Variants in ADCY10 observed in about 807,000 individuals in gnomAD.
ADCY10 encodes adenylate cyclase 10.
In ADCY10, 156 loss-of-function variants were observed where a neutral mutation model predicts 183.3. The ratio of observed to expected loss-of-function variants is 0.85; its 90% CI spans 0.75 to 0.97. The LOEUF is 0.97. Among genes scored for constraint, ADCY10 ranks in the 50% least tolerant of loss-of-function variants. The pLI is 0.00. For missense variants in ADCY10, 1,745 were observed against 1,934.3 expected, an observed-to-expected ratio of 0.90 and a Z score of 1.84; for synonymous variants, 645 against 670.0, an observed-to-expected ratio of 0.96 and a Z score of 0.58.
chr1:167,883,179 A>G (rs1387990628), intron 9 of ADCY10, among the ~76,000 whole-genome samples: 1 of 152,244 alleles, frequency 6.6e-6, no homozygotes, highest in Non-Finnish European at 1.5e-5. Context: ...CTGAGATTAC[A>G]GGCACGTGCC....
chr1:167,831,800 T>A (rs1286778797), intron 25 of ADCY10, among the ~76,000 whole-genome samples: 1 of 152,216 alleles, frequency 6.6e-6, no homozygotes, highest in African/African-American at 2.4e-5. Context: ...TCCTAAATAT[T>A]TCATATGATA....
Position 167,845,647 on chromosome 1 carries a change from A to G in ADCY10, c.2923T>C (p.Tyr975His), listed in dbSNP as rs1664955733. The G allele has an allele frequency of 1.2e-6, 2 of 1,614,270 alleles. No homozygotes were observed. Among genetic ancestry groups the G allele is most frequent in the African/African-American group, 1.3e-5 (1 of 75,076 alleles). The change falls in exon 21 of 33, where the codon TAT (tyrosine) becomes CAT (histidine). Residue 975 changes from tyrosine to histidine, a missense_variant. Transcript: ENST00000367851. Reference sequence around the variant, plus strand: ...CGAATATTCACTGTGAAGTGATGATAGGGAATGAAGTCCCTGCCTCGGCAG... The same window carrying G: ...CGAATATTCACTGTGAAGTGATGATGGGGAATGAAGTCCCTGCCTCGGCAG... ...DHCRGRDFIP[Y>H]HHFTVNIRLN...
intron 9 of ADCY10, among the ~76,000 whole-genome samples, chr1:167,882,441 T>C (rs1304502249): frequency 7.3e-6 from 1 of 137,852 alleles, no homozygotes; most frequent in African/African-American, 2.8e-5. Flanking sequence ...GCCGAGATCA[T>C]GCCACTGCAT....
At chr1:167,829,513 G>A in intron 25 of ADCY10, 90 bp from the exon 26 acceptor site, 1 of 1,494,038 alleles carries the variant, frequency 6.7e-7, no homozygotes. Context: ...TCCTCACTAT[G>A]GGCCTGGGAA....
At chr1:167,885,008 T>A (rs981916219) in intron 8 of ADCY10, among the ~76,000 whole-genome samples, 1 of 152,196 alleles carries the variant, frequency 6.6e-6, no homozygotes, top group East Asian at 1.9e-4. Flanking sequence ...ATAGTTTTAA[T>A]TTTTAGCTCC....
At chr1:167,879,734 C>A (rs1021947860) in intron 11 of ADCY10, among the ~76,000 whole-genome samples, 1 of 152,184 alleles carries the variant, frequency 6.6e-6, no homozygotes, top group African/African-American at 2.4e-5. Flanking sequence ...TTACTTATTA[C>A]TACTCTCTTT....
intron 26 of ADCY10, among the ~76,000 whole-genome samples, chr1:167,826,310 G>A (rs918502086): frequency 1.2e-4 from 18 of 152,218 alleles, no homozygotes; most frequent in Non-Finnish European, 2.5e-4. Flanking sequence ...AGAGAATGGA[G>A]GTCCAACTGC....
Position 167,816,720 on chromosome 1 carries a change from T to A in ADCY10, c.4482+1352A>T, listed in dbSNP as rs769910227. On this transcript the variant is annotated intron_variant, in intron 31 of 32. Transcript: ENST00000367851. Reference sequence around the variant, plus strand: ...TAGAATTCTTTACCCAGTGAAATTATCCTTCAAAATTGAAGACAAAATAAA... The same window carrying A: ...TAGAATTCTTTACCCAGTGAAATTAACCTTCAAAATTGAAGACAAAATAAA... Among the ~76,000 whole-genome samples, 4 of 152,272 alleles carry A rather than the reference T, an allele frequency of 2.6e-5. No individual in the cohort carries two copies. The East Asian group carries it at 7.7e-4, about 29-fold the overall frequency.
At chr1:167,869,083 A>G (rs1666900736) in intron 14 of ADCY10, among the ~76,000 whole-genome samples, 1 of 152,262 alleles carries the variant, frequency 6.6e-6, no homozygotes, top group Admixed American at 6.5e-5. Flanking sequence ...ACGTAGTTAA[A>G]GACATAGTTA....
chr1:167,848,243 G>T, intron 19 of ADCY10, 118 bp downstream of exon 19: 3 of 774,330 alleles, frequency 3.9e-6, no homozygotes, highest in South Asian at 2.9e-5. Context: ...TAGATACGGG[G>T]TTTCACCATA....
chr1:167,876,887 G>C lies in ADCY10; in HGVS notation c.1406+1559C>G, dbSNP rs1055686595. On this transcript the variant is annotated intron_variant, in intron 12 of 32. Transcript: ENST00000367851. ...TTGGGCCTGCTCTCTTGCTCCTCCA[G>C]TATTGCCAGGACAAACATGCTGGAT... Among the ~76,000 whole-genome samples, 3 of 152,106 alleles carry C rather than the reference G, an allele frequency of 2.0e-5. 1 individual carries two copies. The highest frequency in any genetic ancestry group is 2.1e-4 in the South Asian group (1 of 4,818).
intron 18 of ADCY10, among the ~76,000 whole-genome samples, chr1:167,850,688 T>TGG (rs1665409905): frequency 3.7e-5 from 5 of 135,480 alleles, no homozygotes; most frequent in African/African-American, 1.4e-4. Flanking sequence ...TGTGTGTGTG[T>TGG]GTGTGTGTGT....
chr1:167,864,302 T>G (rs1353315933), intron 14 of ADCY10, among the ~76,000 whole-genome samples: 1 of 152,062 alleles, frequency 6.6e-6, no homozygotes, highest in African/African-American at 2.4e-5. Context: ...GTTGAAAAAT[T>G]TCAAGAAAGG....
chr1:167,904,344 CAA>C (rs1669673171), intron 2 of ADCY10, among the ~76,000 whole-genome samples: 1 of 152,114 alleles, frequency 6.6e-6, no homozygotes, highest in Non-Finnish European at 1.5e-5. Flanking sequence ...CCTCGGCCTC[CAA>C]AAGTGTTGGG....
chr1:167,901,398 G>C (rs1669412184), intron 5 of ADCY10, among the ~76,000 whole-genome samples: 1 of 152,028 alleles, frequency 6.6e-6, no homozygotes, highest in Admixed American at 6.6e-5. Flanking sequence ...TATTTTATTG[G>C]GTGGTTCCTA....
chr1:167,890,223 A>G (rs921573430), intron 8 of ADCY10, among the ~76,000 whole-genome samples: 73 of 152,190 alleles, frequency 4.8e-4, no homozygotes, highest in African/African-American at 1.7e-3. Flanking sequence ...CATATATTCA[A>G]AAAAACTTGG....
At chr1:167,911,254 G>A (rs1452948454) in intron 1 of ADCY10, among the ~76,000 whole-genome samples, 8 of 152,154 alleles carry the variant, frequency 5.3e-5, no homozygotes, top group East Asian at 3.8e-4. Context: ...TTTCCTCCCC[G>A]TCTAATTAGG....
In ADCY10 at chr1:167,878,585, C is replaced by T; in HGVS notation, c.1267G>A (p.Gly423Arg). ...LAARMMMYYP[G>R]IVTCDSVTYN... ...GTGACAGAGTCGCAGGTCACAATTC[C>T]TGGGTAGTACATCATCATCCTGGCA... Residue 423 changes from glycine to arginine, a missense_variant, in exon 12 of 33, where the codon GGA becomes AGA. Transcript: ENST00000367851. 6.2e-7 allele frequency: 1 copy of T among 1,614,152 alleles called. No homozygotes were observed. The highest frequency in any genetic ancestry group is 8.5e-7 in the Non-Finnish European group (1 of 1,180,036).
chr1:167,867,370 T>C (rs1666779370), intron 14 of ADCY10, among the ~76,000 whole-genome samples: 1 of 152,180 alleles, frequency 6.6e-6, no homozygotes, highest in Non-Finnish European at 1.5e-5. Context: ...TCCTTAAAAT[T>C]TGGACTTGTA....
Sources: allele counts gnomAD v4.1 joint callset (sites outside exome capture counted in the v4.1 genomes callset), GRCh38; gene constraint gnomAD v4.1.1; transcripts MANE v1.5; gene names NCBI Gene and HGNC (gene_info 2026-07-23, HGNC 2026-07-21).